MORF4L1: variants seen among roughly 807,000 people sequenced by gnomAD.
MORF4L1 encodes the protein mortality factor 4-like protein 1.
A neutral mutation model predicts 52.9 loss-of-function variants in MORF4L1; 4 were observed. That is an observed-to-expected ratio of 0.08 (90% CI 0.04 to 0.17). The LOEUF (loss-of-function observed/expected upper bound fraction) is 0.17. MORF4L1 is among the 10% of genes least tolerant of loss of function. The probability of loss-of-function intolerance (pLI) is 1.00; values close to 1 mark genes in which losing one functional copy is unlikely to be tolerated. For missense variants in MORF4L1, 214 were observed against 390.4 expected (o/e 0.55, Z 3.81); for synonymous variants, 123 against 134.8 (o/e 0.91, Z 0.61).
chr15:78,888,868 T>A (rs867898744), intron 5 of MORF4L1, among the ~76,000 whole-genome samples: 1 of 152,354 alleles, frequency 6.6e-6, no homozygotes, highest in Non-Finnish European at 1.5e-5. Context: ...GTTCATAGTT[T>A]TAATAAGTGG....
At chr15:78,876,389 T>C (rs999221317) in intron 1 of MORF4L1, 9 of 361,116 alleles carry the variant, frequency 2.5e-5, no homozygotes, top group African/African-American at 1.9e-4. Flanking sequence ...CTGGACTTGG[T>C]TTTCCATTGG....
At chr15:78,891,122 C>G (rs752168806) in intron 6 of MORF4L1, 108 bp downstream of exon 6, 1 of 1,258,700 alleles carries the variant, frequency 7.9e-7, no homozygotes, top group Non-Finnish European at 1.1e-6. Context: ...TATTGATTAT[C>G]TCAAATAGGA....
At position 78,894,130 on chromosome 15, in the gene MORF4L1, C is replaced by T. The variant is rs56106800; in HGVS notation, c.702C>T (p.Leu234=). The change falls in exon 10 of 12, where the codon CTC becomes CTT. Residue 234 remains leucine (L), a synonymous_variant. Coordinates refer to ENST00000426013, the MANE Select transcript of MORF4L1 (RefSeq NM_006791.4). ...ACGTAATGTTGGGTACCCAGCTACT[C>T]TATAAATTTGAGAGACCACAGTATG... ...YFNVMLGTQL[L]YKFERPQYAE... 1.9e-5 allele frequency: 31 copies of T among 1,613,864 alleles called. No homozygotes were observed. Among genetic ancestry groups the T allele is most frequent in the Admixed American group, 3.3e-5 (2 of 60,008 alleles).
intron 2 of MORF4L1, among the ~76,000 whole-genome samples, chr15:78,880,095 AAACT>A (rs1319819675): frequency 1.3e-5 from 2 of 152,236 alleles, no homozygotes; most frequent in African/African-American, 4.8e-5. Context: ...CAAGTTGTTT[AAACT>A]AACTTTTCAG....
At position 78,895,832 on chromosome 15, in the gene MORF4L1, TTA is replaced by T. The variant is rs940834896; in HGVS notation, c.887+929_887+930del. ...TCATTACAATCGTTTTACAGTAAAT[TTA>T]AAACTGCAACGTGGACTTGAGAATG... is the stretch of plus-strand genomic sequence containing the variant. On this transcript the variant is annotated intron_variant, in intron 11 of 11. Transcript: ENST00000426013. 7.9e-5 allele frequency among the ~76,000 whole-genome samples: 12 copies of T among 152,314 alleles called. No homozygotes were observed. The East Asian group carries it at 1.5e-3, about 20-fold the overall frequency.
chr15:78,884,917 A>G (rs878877734), intron 3 of MORF4L1: 9 of 1,360,768 alleles, frequency 6.6e-6, no homozygotes, highest in South Asian at 2.6e-5. Flanking sequence ...CTGAGGCTCA[A>G]TTCTGCACCT....
Position 78,885,172 on chromosome 15 carries a change from CAG to C in MORF4L1, c.156-966_156-965del, listed in dbSNP as rs983996068. On this transcript the variant is annotated intron_variant, in intron 3 of 11. Coordinates refer to ENST00000426013, the MANE Select transcript of MORF4L1 (RefSeq NM_006791.4). ...CTCTTGGCTGTATTATATAAGAGGT[CAG>C]AGGTGGGAAATCATTAAACAAAAGA... The C allele has an allele frequency of 7.9e-6, 8 of 1,015,336 alleles. No homozygotes were observed. In the African/African-American group the frequency reaches 1.3e-4, roughly 17 times the overall value. The allele number at this position is 1,015,336 out of a possible 1,614,324, so 62.9% of individuals were successfully genotyped here.
intron 2 of MORF4L1, among the ~76,000 whole-genome samples, chr15:78,879,720 T>A (rs1469062189): frequency 1.3e-5 from 2 of 151,792 alleles, no homozygotes; most frequent in Non-Finnish European, 2.9e-5. Flanking sequence ...GGAGGATCAC[T>A]TGAGGTCAGG....
chr15:78,875,831 C>G (rs769150367), intron 1 of MORF4L1, among the ~76,000 whole-genome samples: 1 of 151,902 alleles, frequency 6.6e-6, no homozygotes, highest in Non-Finnish European at 1.5e-5. Flanking sequence ...GAATATCTTG[C>G]AAGGGAAAAA....
At chr15:78,895,822 T>C (rs1169690301) in intron 11 of MORF4L1, among the ~76,000 whole-genome samples, 1 of 152,220 alleles carries the variant, frequency 6.6e-6, no homozygotes, top group East Asian at 1.9e-4. Context: ...ACAATCGTTT[T>C]ACAGTAAATT....
chr15:78,891,545 G>A lies in MORF4L1; in HGVS notation c.411G>A (p.Arg137=), dbSNP rs3182813. The part of the protein sequence containing the change: ...SETPQPPRKK[R]ARVDPTVENE... ...CCCCTCAGCCTCCTCGGAAGAAAAG[G>A]GCCCGGGTAGATCCTACTGTTGAAA... Residue 137 remains arginine (R), a synonymous_variant, in exon 7 of 12, where the codon AGG becomes AGA. Transcript: ENST00000426013. 1 of 1,613,806 alleles carries A rather than the reference G, an allele frequency of 6.2e-7. No individual in the cohort carries two copies. Among genetic ancestry groups the A allele is most frequent in the Non-Finnish European group, 8.5e-7 (1 of 1,179,750 alleles).
At chr15:78,896,283 ATTTT>A in intron 11 of MORF4L1, among the ~76,000 whole-genome samples, 1 of 116,244 alleles carries the variant, frequency 8.6e-6, no homozygotes, top group East Asian at 2.8e-4. Context: ...GCCTGATAGG[ATTTT>A]TTTCTTTTTT....
chr15:78,891,342 G>T, intron 6 of MORF4L1, 142 bp from the exon 7 acceptor site: 1 of 698,480 alleles, frequency 1.4e-6, no homozygotes, highest in Non-Finnish European at 2.4e-6. Flanking sequence ...ATTTTTGGTA[G>T]GAATATGATT....
intron 3 of MORF4L1, among the ~76,000 whole-genome samples, chr15:78,881,386 G>A (rs113005355): frequency 1.1e-3 from 170 of 151,750 alleles, no homozygotes; most frequent in African/African-American, 3.8e-3. Flanking sequence ...TAGTAGAGAC[G>A]GAGTTTCACC....
chr15:78,893,437 AATACTGTTACTGTTACCTG>A, intron 8 of MORF4L1, 83 bp from the exon 9 acceptor site: 1 of 763,120 alleles, frequency 1.3e-6, no homozygotes, highest in South Asian at 1.5e-5. Flanking sequence ...CCTAATTTGA[AATACTGTTACTGTTACCTG>A]ATCTTTGTAT....
At chr15:78,878,583 C>T (rs2056539443) in intron 2 of MORF4L1, among the ~76,000 whole-genome samples, 1 of 148,946 alleles carries the variant, frequency 6.7e-6, no homozygotes, top group Admixed American at 6.7e-5. Flanking sequence ...GCTGAAGTTA[C>T]TTTTAAAAGT....
At chr15:78,875,244 A>G (rs966852644) in intron 1 of MORF4L1, among the ~76,000 whole-genome samples, 2 of 152,202 alleles carry the variant, frequency 1.3e-5, no homozygotes, top group Admixed American at 6.5e-5. Context: ...CAACCTAAGG[A>G]TGGCTGTTCT....
intron 1 of MORF4L1, chr15:78,873,811 T>G (rs540031360): frequency 6.6e-6 from 1 of 152,502 alleles, no homozygotes; most frequent in South Asian, 2.0e-4. Context: ...CTGCTATTCT[T>G]GGGCGCAGTG....
chr15:78,894,416 A>ATTT, intron 10 of MORF4L1, 186 bp downstream of exon 10: 2 of 372,440 alleles, frequency 5.4e-6, no homozygotes, highest in Non-Finnish European at 8.8e-6. Context: ...TTATTTTATA[A>ATTT]TTTTTTTTTT....
Sources: allele counts gnomAD v4.1 joint callset (sites outside exome capture counted in the v4.1 genomes callset), GRCh38; gene constraint gnomAD v4.1.1; transcripts MANE v1.5; gene names NCBI Gene and HGNC (gene_info 2026-07-23, HGNC 2026-07-21).